The following OSBPL1A variants were observed in gnomAD, a reference collection of about 807,000 sequenced individuals.
OSBPL1A encodes the protein oxysterol-binding protein-related protein 1.
Under a neutral mutation model 137.1 loss-of-function variants are expected in OSBPL1A, and 80 were observed. The ratio of observed to expected loss-of-function variants is 0.58; its 90% CI spans 0.49 to 0.70. OSBPL1A has a LOEUF of 0.70. Among genes scored for constraint, OSBPL1A ranks in the 30% least tolerant of loss-of-function variants. The pLI, the probability that OSBPL1A is intolerant of heterozygous loss-of-function variation, is 0.00. For synonymous variants in OSBPL1A, 365 were observed against 389.7 expected (o/e 0.94, Z 0.75); for missense variants, 970 against 1,129.4 (o/e 0.86, Z 2.02).
Position 24,170,387 on chromosome 18 carries a change from C to A in OSBPL1A, c.2358G>T (p.Thr786=), listed in dbSNP as rs539238277. ...TECLYSVDPA[T]FDAYKKNDKK... is the part of the protein sequence containing the mutation. ...TATCATTTTTTTTGTAAGCGTCAAA[C>A]GTGGCAGGGTCAACACTGTATAAAC... Residue 786 remains threonine (T), a synonymous_variant, in exon 24 of 28, where the codon ACG becomes ACT. Transcript: ENST00000319481. The A allele has an allele frequency of 6.2e-7, 1 of 1,614,072 alleles. No individual in the cohort carries two copies. Among genetic ancestry groups the A allele is most frequent in the South Asian group, 1.1e-5 (1 of 91,078 alleles).
At chr18:24,391,049 G>A (rs1301847417) in intron 1 of OSBPL1A, among the ~76,000 whole-genome samples, 2 of 151,440 alleles carry the variant, frequency 1.3e-5, no homozygotes, top group Non-Finnish European at 2.9e-5. Flanking sequence ...GCAGTGAGCC[G>A]AGATCCCACC....
Position 24,170,357 on chromosome 18 carries a change from TTTC to T in OSBPL1A, c.2385_2387del (p.Lys796del), listed in dbSNP as rs1401073490. 1 of 1,614,214 alleles carries T rather than the reference TTTC, an allele frequency of 6.2e-7. No homozygotes were observed. Among genetic ancestry groups the T allele is most frequent in the Non-Finnish European group, 8.5e-7 (1 of 1,180,034 alleles). ...TGCTGTTCTTCTTCTCTTCTGTATT[TTTC>T]TTATCATTTTTTTTGTAAGCGTCAA... On this transcript the variant is annotated inframe_deletion, in exon 24 of 28. Transcript: ENST00000319481.
At chr18:24,241,507 G>A (rs958078915) in intron 15 of OSBPL1A, among the ~76,000 whole-genome samples, 3 of 152,190 alleles carry the variant, frequency 2.0e-5, no homozygotes, top group African/African-American at 7.2e-5. Context: ...CGTTTATGCA[G>A]CCAACAAACA....
At chr18:24,241,807 C>T (rs1284134833) in intron 15 of OSBPL1A, among the ~76,000 whole-genome samples, 1 of 152,146 alleles carries the variant, frequency 6.6e-6, no homozygotes, top group Non-Finnish European at 1.5e-5. Context: ...AATCATTCTC[C>T]TATAAAGACA....
At chr18:24,384,400 C>A (rs1258237791) in intron 1 of OSBPL1A, among the ~76,000 whole-genome samples, 1 of 152,112 alleles carries the variant, frequency 6.6e-6, no homozygotes, top group Admixed American at 6.5e-5. Flanking sequence ...ATGGGGAAAC[C>A]CTGTCTCTAC....
chr18:24,318,552 T>C, intron 9 of OSBPL1A, 49 bp downstream of exon 9: 1 of 1,463,134 alleles, frequency 6.8e-7, no homozygotes, highest in Non-Finnish European at 9.4e-7. Flanking sequence ...ATAGAGCACC[T>C]GAGAATTATT....
At position 24,271,335 on chromosome 18, in the gene OSBPL1A, C is replaced by A. The variant is rs1242502911; in HGVS notation, c.1281+9507G>T. On this transcript the variant is annotated intron_variant, in intron 15 of 27. Coordinates refer to ENST00000319481, the MANE Select transcript of OSBPL1A (RefSeq NM_080597.4). The surrounding 1 kb of genome is among the most constrained non-coding windows in gnomAD (Gnocchi z 4.0). ...CCCTTCTTGACCTAATACCAATATT[C>A]AACTGAGAAACACATCAGTCCACGG... is the stretch of plus-strand genomic sequence containing the variant. Among the ~76,000 whole-genome samples, 1 of 152,184 alleles carries A rather than the reference C, an allele frequency of 6.6e-6. No homozygotes were observed. Among genetic ancestry groups the A allele is most frequent in the East Asian group, 1.9e-4 (1 of 5,188 alleles).
intron 14 of OSBPL1A, among the ~76,000 whole-genome samples, chr18:24,302,015 T>G (rs1000343582): frequency 6.6e-6 from 1 of 152,080 alleles, no homozygotes; most frequent in Non-Finnish European, 1.5e-5. Context: ...GATCACAAGG[T>G]CAGGAGATCG....
At chr18:24,342,803 G>A (rs1343693301) in intron 4 of OSBPL1A, among the ~76,000 whole-genome samples, 2 of 151,718 alleles carry the variant, frequency 1.3e-5, no homozygotes, top group African/African-American at 4.8e-5. Flanking sequence ...TGCCACAATT[G>A]TTTTATAGCT....
chr18:24,190,646 C>T (rs923852624), intron 18 of OSBPL1A, among the ~76,000 whole-genome samples: 2 of 152,150 alleles, frequency 1.3e-5, no homozygotes, highest in Non-Finnish European at 2.9e-5. Context: ...GGTAGAGATA[C>T]CAAATTTTGT....
At chr18:24,337,983 A>T (rs938455894) in intron 5 of OSBPL1A, among the ~76,000 whole-genome samples, 1 of 152,160 alleles carries the variant, frequency 6.6e-6, no homozygotes, top group East Asian at 1.9e-4. Context: ...ATATGGCAAA[A>T]TGTTAATAAT....
At chr18:24,311,956 A>G (rs770878341) in intron 13 of OSBPL1A, 28 bp downstream of exon 13, 8 of 1,612,828 alleles carry the variant, frequency 5.0e-6, no homozygotes, top group Non-Finnish European at 6.8e-6. Context: ...AGATAGCTAT[A>G]AAGGTCAGGT....
At chr18:24,353,379 C>T (rs1408875324) in intron 4 of OSBPL1A, among the ~76,000 whole-genome samples, 2 of 152,172 alleles carry the variant, frequency 1.3e-5, no homozygotes, top group African/African-American at 4.8e-5. Context: ...TACCATCTCA[C>T]ACCACTTAGA....
At chr18:24,236,397 G>A (rs990666054) in intron 16 of OSBPL1A, among the ~76,000 whole-genome samples, 7 of 152,148 alleles carry the variant, frequency 4.6e-5, no homozygotes, top group African/African-American at 1.7e-4. Flanking sequence ...AGGCTGGTGT[G>A]TAGAGACTAC....
chr18:24,260,418 T>C (rs1186077138), intron 15 of OSBPL1A, among the ~76,000 whole-genome samples: 1 of 152,194 alleles, frequency 6.6e-6, no homozygotes, highest in African/African-American at 2.4e-5. Flanking sequence ...CAAATGCCCA[T>C]AAATGGATAT....
intron 4 of OSBPL1A, chr18:24,347,538 A>G (rs1405376571): frequency 6.6e-6 from 1 of 152,132 alleles, no homozygotes; most frequent in Non-Finnish European, 1.5e-5. Flanking sequence ...AAGGAGAAAT[A>G]ATTTCTAAAA....
chr18:24,235,077 G>C (rs999163298), intron 16 of OSBPL1A, among the ~76,000 whole-genome samples: 4 of 152,160 alleles, frequency 2.6e-5, no homozygotes, highest in African/African-American at 4.8e-5. Flanking sequence ...GAAGGCATCT[G>C]AGTTTCATTT....
intron 7 of OSBPL1A, among the ~76,000 whole-genome samples, chr18:24,324,788 A>AC (rs2090940698): frequency 1.5e-5 from 2 of 136,574 alleles, no homozygotes; most frequent in East Asian, 2.2e-4. Flanking sequence ...TGTCTATTAA[A>AC]AAAAAAAAAA....
chr18:24,354,185 G>T (rs2091494231), intron 4 of OSBPL1A, among the ~76,000 whole-genome samples: 1 of 151,918 alleles, frequency 6.6e-6, no homozygotes, highest in African/African-American at 2.4e-5. Context: ...GGTACTTCTG[G>T]AAGTGGTAAA....
Sources: gnomAD v4.1 joint callset for allele counts (sites outside exome capture counted in the v4.1 genomes callset) on GRCh38, gnomAD v4.1.1 for gene constraint, Gnocchi (gnomAD v3.1) non-coding constraint, MANE v1.5 for transcripts, NCBI Gene and HGNC (gene_info 2026-07-23, HGNC 2026-07-21) for gene names.